Variants in KCNQ5 observed in about 807,000 individuals in gnomAD.
KCNQ5 encodes potassium voltage-gated channel subfamily Q member 5, also known as potassium voltage-gated channel subfamily KQT member 5.
A neutral mutation model predicts 98.2 loss-of-function variants in KCNQ5; 30 were observed. The ratio of observed to expected loss-of-function variants is 0.31; its 90% CI spans 0.23 to 0.41. The LOEUF is 0.41. Among genes scored for constraint, KCNQ5 ranks in the 10% least tolerant of loss-of-function variants. The pLI is 1.00. For synonymous variants in KCNQ5, 458 were observed against 449.4 expected (o/e 1.02, Z -0.24); for missense variants, 835 against 1,182.5 (o/e 0.71, Z 4.31).
intron 6 of KCNQ5, among the ~76,000 whole-genome samples, chr6:73,106,586 A>G (rs1349485753): frequency 6.6e-6 from 1 of 152,132 alleles, no homozygotes; most frequent in African/African-American, 2.4e-5. Flanking sequence ...TCTTCACATC[A>G]TCTGTGTCCA....
At chr6:72,920,896 C>A (rs536385217) in intron 1 of KCNQ5, among the ~76,000 whole-genome samples, 4 of 152,092 alleles carry the variant, frequency 2.6e-5, no homozygotes, top group African/African-American at 7.2e-5. Flanking sequence ...ATTTGAGTTG[C>A]GTTCAATTGG....
At chr6:72,929,099 C>A (rs1562073879) in intron 1 of KCNQ5, among the ~76,000 whole-genome samples, 1 of 152,210 alleles carries the variant, frequency 6.6e-6, no homozygotes, top group East Asian at 1.9e-4. Context: ...AAATGCTGAC[C>A]CATAACAGAG....
chr6:73,029,014 G>C (rs1771013710), intron 2 of KCNQ5, among the ~76,000 whole-genome samples: 1 of 152,178 alleles, frequency 6.6e-6, no homozygotes, highest in South Asian at 2.1e-4. Context: ...GCTGTGGATA[G>C]AGGCCGTCAC....
chr6:73,078,650 G>A (rs1049671374), intron 5 of KCNQ5, among the ~76,000 whole-genome samples: 2 of 152,192 alleles, frequency 1.3e-5, no homozygotes, highest in Non-Finnish European at 2.9e-5. Context: ...CCACAGTGTG[G>A]GAGGGAAGTC....
At chr6:72,952,087 A>G (rs1766833687) in intron 1 of KCNQ5, among the ~76,000 whole-genome samples, 1 of 152,210 alleles carries the variant, frequency 6.6e-6, no homozygotes, top group Non-Finnish European at 1.5e-5. Context: ...TGCAAAGTTG[A>G]AGGTAAGAAG....
chr6:72,726,385 T>C (rs1582177277), intron 1 of KCNQ5, among the ~76,000 whole-genome samples: 2 of 152,078 alleles, frequency 1.3e-5, no homozygotes, highest in East Asian at 1.9e-4. Context: ...TAATTCCCTG[T>C]ATTTTTTTTA....
At chr6:72,890,094 T>C (rs1274867982) in intron 1 of KCNQ5, among the ~76,000 whole-genome samples, 1 of 145,300 alleles carries the variant, frequency 6.9e-6, no homozygotes. Flanking sequence ...GCAGGGTTGT[T>C]TGTTTCTCTT....
chr6:72,650,778 G>C (rs1765835503), intron 1 of KCNQ5, among the ~76,000 whole-genome samples: 1 of 152,046 alleles, frequency 6.6e-6, no homozygotes, highest in Non-Finnish European at 1.5e-5. Context: ...GTGATACAAA[G>C]AAGAAAGAAA....
intron 10 of KCNQ5, among the ~76,000 whole-genome samples, chr6:73,140,169 G>A (rs1477560669): frequency 2.0e-5 from 3 of 152,138 alleles, no homozygotes; most frequent in African/African-American, 4.8e-5. Context: ...TTTCTTCCAA[G>A]CAGTATAAAT....
intron 1 of KCNQ5, among the ~76,000 whole-genome samples, chr6:72,831,308 A>C (rs997422155): frequency 6.6e-6 from 1 of 152,232 alleles, no homozygotes; most frequent in Non-Finnish European, 1.5e-5. Context: ...TATTCACAAT[A>C]GCAAAGACTT....
At chr6:72,628,610 C>G (rs2098919181) in intron 1 of KCNQ5, among the ~76,000 whole-genome samples, 1 of 152,064 alleles carries the variant, frequency 6.6e-6, no homozygotes, top group Non-Finnish European at 1.5e-5. Flanking sequence ...ATCTTTCTTT[C>G]TTTCTTTTTG....
intron 1 of KCNQ5, among the ~76,000 whole-genome samples, chr6:72,634,789 A>C (rs1463329970): frequency 2.0e-5 from 3 of 152,132 alleles, no homozygotes; most frequent in Non-Finnish European, 2.9e-5. Context: ...GCTGGTCTCG[A>C]ACTCCTGACC....
intron 5 of KCNQ5, among the ~76,000 whole-genome samples, chr6:73,080,810 G>T (rs910791840): frequency 6.6e-6 from 1 of 152,108 alleles, no homozygotes; most frequent in Admixed American, 6.5e-5. Context: ...CCACAGATAC[G>T]CTGTGCCAGT....
chr6:72,817,017 C>T (rs1272455537), intron 1 of KCNQ5, among the ~76,000 whole-genome samples: 1 of 152,056 alleles, frequency 6.6e-6, no homozygotes, highest in Non-Finnish European at 1.5e-5. Flanking sequence ...GGGGTGTTGT[C>T]CAGGGACTGC....
intron 1 of KCNQ5, among the ~76,000 whole-genome samples, chr6:73,003,152 G>C (rs115481201): frequency 1.3e-3 from 196 of 152,058 alleles, no homozygotes; most frequent in African/African-American, 4.6e-3. Flanking sequence ...TGGAAACTCA[G>C]CTCCCGCCTT....
intron 1 of KCNQ5, among the ~76,000 whole-genome samples, chr6:72,743,147 T>C (rs1771214620): frequency 6.6e-6 from 1 of 152,132 alleles, no homozygotes; most frequent in Admixed American, 6.5e-5. Flanking sequence ...ACTCTTGACT[T>C]CAGGTAATGT....
At chr6:73,037,626 A>C (rs965406382) in intron 2 of KCNQ5, among the ~76,000 whole-genome samples, 1 of 152,136 alleles carries the variant, frequency 6.6e-6, no homozygotes, top group Non-Finnish European at 1.5e-5. Flanking sequence ...TTCTTCCTCC[A>C]TTGAAATGCT....
At chr6:73,077,956 G>A in intron 5 of KCNQ5, 69 bp downstream of exon 5, 5 of 1,249,690 alleles carry the variant, frequency 4.0e-6, no homozygotes, top group Non-Finnish European at 3.3e-6. Context: ...CAACGTAATG[G>A]TTCCTATGGA....
chr6:72,960,644 T>C (rs1241574759), intron 1 of KCNQ5, among the ~76,000 whole-genome samples: 1 of 152,180 alleles, frequency 6.6e-6, no homozygotes, highest in Non-Finnish European at 1.5e-5. Flanking sequence ...GCCAGGCTGG[T>C]CTCGAAGTCC....
Sources: allele counts gnomAD v4.1 joint callset (sites outside exome capture counted in the v4.1 genomes callset), GRCh38; gene constraint gnomAD v4.1.1; transcripts MANE v1.5; gene names NCBI Gene and HGNC (gene_info 2026-07-23, HGNC 2026-07-21).